Variants in EXT1 observed in about 807,000 individuals in gnomAD.
EXT1 encodes exostosin-1.
A neutral mutation model predicts 82.5 loss-of-function variants in EXT1; 20 were observed. The ratio of observed to expected loss-of-function variants is 0.24; its 90% CI spans 0.17 to 0.35. The LOEUF is 0.35. Among genes scored for constraint, EXT1 ranks in the 10% least tolerant of loss-of-function variants. EXT1 has a pLI of 1.00. For missense variants in EXT1, 757 were observed against 936.5 expected (o/e 0.81, Z 2.50); for synonymous variants, 348 against 350.8 (o/e 0.99, Z 0.09).
chr8:117,955,139 T>C (rs1814562544), intron 1 of EXT1, among the ~76,000 whole-genome samples: 1 of 152,316 alleles, frequency 6.6e-6, no homozygotes, highest in South Asian at 2.1e-4. Context: ...CACTGTGTGA[T>C]GTCCAGAAAA....
At chr8:118,034,865 G>T (rs887023509) in intron 1 of EXT1, among the ~76,000 whole-genome samples, 1 of 152,146 alleles carries the variant, frequency 6.6e-6, no homozygotes, top group East Asian at 1.9e-4. Context: ...TACACAGAGG[G>T]TTACACTCAT....
At chr8:117,821,646 G>C (rs1027233340) in intron 5 of EXT1, among the ~76,000 whole-genome samples, 1 of 152,212 alleles carries the variant, frequency 6.6e-6, no homozygotes, top group Non-Finnish European at 1.5e-5. Context: ...AACTAAACAT[G>C]TACAACTTAA....
Position 117,959,365 on chromosome 8 carries a change from ATGTTTCCCACAAACAACTC to A in EXT1, c.963-122183_963-122165del, listed in dbSNP as rs1338648811. Reference sequence around the variant, plus strand: ...TCTGTCCATCACTCGCTTCTGCTTCATGTTTCCCACAAACAACTCTGTTTCATTCTTCTGTGCCCTTGCT... The same window carrying A: ...TCTGTCCATCACTCGCTTCTGCTTCATGTTTCATTCTTCTGTGCCCTTGCT... On this transcript the variant is annotated intron_variant, in intron 1 of 10. Transcript: ENST00000378204. Among the ~76,000 whole-genome samples, 5 of 152,252 alleles carry A rather than the reference ATGTTTCCCACAAACAACTC, an allele frequency of 3.3e-5. No homozygotes were observed. The East Asian group carries it at 9.6e-4, about 29-fold the overall frequency.
At chr8:117,889,751 C>G (rs562675285) in intron 1 of EXT1, among the ~76,000 whole-genome samples, 2 of 152,258 alleles carry the variant, frequency 1.3e-5, no homozygotes, top group East Asian at 3.9e-4. Flanking sequence ...ACTTTGCATA[C>G]AATGGCACTA....
intron 1 of EXT1, among the ~76,000 whole-genome samples, chr8:118,094,125 C>T (rs960897861): frequency 4.6e-5 from 7 of 152,198 alleles, no homozygotes; most frequent in African/African-American, 1.4e-4. Flanking sequence ...ACATTTGCTA[C>T]CCGTTTTAAT....
In EXT1 at chr8:117,883,380, T is replaced by C. The variant is rs142684293; in HGVS notation, c.963-46179A>G. The stretch of plus-strand genomic sequence containing the variant: ...AACTTCTTTGGCCGCTACACTGCAA[T>C]TCTTGAGATTACAACTTATTTCTAA... On this transcript the variant is annotated intron_variant, in intron 1 of 10. Coordinates refer to ENST00000378204, the MANE Select transcript of EXT1 (RefSeq NM_000127.3). Among the ~76,000 whole-genome samples the C allele has an allele frequency of 6.8e-4, 104 of 152,360 alleles. 3 individuals are homozygous for C. The highest frequency in any genetic ancestry group is 2.2e-3 in the African/African-American group (93 of 41,580).
chr8:118,062,732 C>CT (rs1816902803), intron 1 of EXT1, among the ~76,000 whole-genome samples: 1 of 152,128 alleles, frequency 6.6e-6, no homozygotes, highest in Admixed American at 6.6e-5. Flanking sequence ...GTCCAGAAAG[C>CT]TTTTAAACAG....
chr8:118,054,785 G>C lies in EXT1; in HGVS notation c.962+55300C>G. Among the ~76,000 whole-genome samples the C allele has an allele frequency of 1.3e-5, 2 of 152,058 alleles. 1 individual carries two copies. The highest frequency in any genetic ancestry group is 2.9e-5 in the Non-Finnish European group (2 of 68,006). On this transcript the variant is annotated intron_variant, in intron 1 of 10. Transcript: ENST00000378204. ...CACATACATCTCTCATTCTCTCAAA[G>C]TACCTGGAAGAATTTCAATAAATAC...
intron 1 of EXT1, among the ~76,000 whole-genome samples, chr8:118,022,010 T>C (rs536699328): frequency 6.6e-6 from 1 of 152,278 alleles, no homozygotes; most frequent in African/African-American, 2.4e-5. Flanking sequence ...ATCTGCACTA[T>C]CCTATTAATC....
intron 1 of EXT1, among the ~76,000 whole-genome samples, chr8:118,051,271 G>A (rs1033907280): frequency 6.6e-5 from 10 of 152,232 alleles, no homozygotes; most frequent in African/African-American, 1.9e-4. Context: ...CTCGGAGGTC[G>A]AGGCTGCAGT....
At chr8:117,863,643 G>A (rs1812724607) in intron 1 of EXT1, among the ~76,000 whole-genome samples, 1 of 152,026 alleles carries the variant, frequency 6.6e-6, no homozygotes, top group Non-Finnish European at 1.5e-5. Flanking sequence ...ACTCCCCAAA[G>A]GACAGTAAAT....
intron 1 of EXT1, among the ~76,000 whole-genome samples, chr8:117,949,938 A>C (rs542964401): frequency 1.3e-5 from 2 of 152,264 alleles, no homozygotes; most frequent in South Asian, 4.1e-4. Context: ...AATTACTAAC[A>C]AGGAGGCCAG....
intron 1 of EXT1, among the ~76,000 whole-genome samples, chr8:118,037,047 A>G (rs560757339): frequency 2.0e-5 from 3 of 152,212 alleles, no homozygotes; most frequent in African/African-American, 7.2e-5. Flanking sequence ...AAGCAAGAGT[A>G]AGAAACACTG....
intron 1 of EXT1, among the ~76,000 whole-genome samples, chr8:117,891,799 T>C (rs556236678): frequency 2.1e-5 from 3 of 143,116 alleles, no homozygotes; most frequent in African/African-American, 5.1e-5. Flanking sequence ...GTTTTCTTTT[T>C]TCTTGCTTTT....
chr8:118,033,068 A>G (rs1375336148), intron 1 of EXT1, among the ~76,000 whole-genome samples: 1 of 152,150 alleles, frequency 6.6e-6, no homozygotes, highest in Non-Finnish European at 1.5e-5. Context: ...AACTTCAGGT[A>G]TTTATGCCCA....
chr8:117,980,183 T>C (rs776634913), intron 1 of EXT1, among the ~76,000 whole-genome samples: 1 of 151,962 alleles, frequency 6.6e-6, no homozygotes, highest in Non-Finnish European at 1.5e-5. Flanking sequence ...GCATCTCACA[T>C]GCCCATTCCC....
At chr8:118,016,631 C>T (rs1310016452) in intron 1 of EXT1, among the ~76,000 whole-genome samples, 1 of 152,170 alleles carries the variant, frequency 6.6e-6, no homozygotes, top group Non-Finnish European at 1.5e-5. Context: ...GTCCCGGCTG[C>T]AGTAAAGGCC....
chr8:117,992,371 T>G (rs751467105), intron 1 of EXT1, among the ~76,000 whole-genome samples: 2 of 148,886 alleles, frequency 1.3e-5, no homozygotes, highest in Non-Finnish European at 3.0e-5. Context: ...CAGCTCTGGG[T>G]ATATAATTAG....
At chr8:118,108,794 A>C (rs1210188137) in intron 1 of EXT1, among the ~76,000 whole-genome samples, 1 of 152,162 alleles carries the variant, frequency 6.6e-6, no homozygotes, top group African/African-American at 2.4e-5. Flanking sequence ...CTTTCATTTC[A>C]AGGCCAGTTT....
Sources: gnomAD v4.1 joint callset for allele counts (sites outside exome capture counted in the v4.1 genomes callset) on GRCh38, gnomAD v4.1.1 for gene constraint, MANE v1.5 for transcripts, NCBI Gene and HGNC (gene_info 2026-07-23, HGNC 2026-07-21) for gene names.